Variants in FNDC3A observed in about 807,000 individuals in gnomAD.
FNDC3A encodes the protein fibronectin type-III domain-containing protein 3A.
A neutral mutation model predicts 148.9 loss-of-function variants in FNDC3A; 32 were observed. That is an observed-to-expected ratio of 0.21 (90% CI 0.16 to 0.29). FNDC3A has a LOEUF of 0.29. FNDC3A is among the 10% of genes least tolerant of loss of function. The pLI is 1.00. For synonymous variants in FNDC3A, 472 were observed against 473.6 expected, an observed-to-expected ratio of 1.00 and a Z score of 0.04; for missense variants, 1,191 against 1,452.8, an observed-to-expected ratio of 0.82 and a Z score of 2.93.
intron 8 of FNDC3A, among the ~76,000 whole-genome samples, chr13:49,149,178 T>A (rs1482198540): frequency 1.3e-5 from 2 of 151,720 alleles, no homozygotes; most frequent in Non-Finnish European, 1.5e-5. Flanking sequence ...TTTTTTTTTT[T>A]AATCTGAATA....
rs779511866 is a variant in FNDC3A, at chr13:49,198,226, G to A, written c.2735G>A (p.Ser912Asn). 2 of 1,614,048 alleles carry A rather than the reference G, an allele frequency of 1.2e-6. No individual in the cohort carries two copies. The highest frequency in any genetic ancestry group is 2.7e-5 in the African/African-American group (2 of 75,020). Residue 912 changes from serine (S) to asparagine (N), a missense_variant, in exon 22 of 26, where the codon AGC (serine) becomes AAC (asparagine). Physicochemically the swap from Ser to Asn is conservative, Grantham distance 46 (BLOSUM62 1). Coordinates refer to ENST00000492622, the MANE Select transcript of FNDC3A (RefSeq NM_001079673.2). ...TCCCTAACAGTGGGAAAGGTTACAA[G>A]CTATATTATCAACAATTTGCAACCA... is the stretch of plus-strand genomic sequence containing the variant. ...KQSLTVGKVT[S>N]YIINNLQPDT...
intron 2 of FNDC3A, among the ~76,000 whole-genome samples, chr13:49,027,685 G>GA (rs1873818933): frequency 4.0e-5 from 6 of 151,304 alleles, no homozygotes. Context: ...CATCTACTAA[G>GA]AAAAAATAAC....
intron 2 of FNDC3A, among the ~76,000 whole-genome samples, chr13:49,064,515 AAG>A (rs2137751371): frequency 6.6e-6 from 1 of 151,918 alleles, no homozygotes; most frequent in South Asian, 2.1e-4. Context: ...ATCACAAGGA[AAG>A]AGATCACTGA....
chr13:49,022,341 G>A (rs1873389810), intron 2 of FNDC3A, among the ~76,000 whole-genome samples: 1 of 152,102 alleles, frequency 6.6e-6, no homozygotes, highest in Non-Finnish European at 1.5e-5. Flanking sequence ...GTTTGTTTCT[G>A]AGATTAGCTT....
chr13:49,045,183 TCA>T (rs1875293156), intron 2 of FNDC3A, among the ~76,000 whole-genome samples: 1 of 150,794 alleles, frequency 6.6e-6, no homozygotes, highest in Non-Finnish European at 1.5e-5. Flanking sequence ...TAATGGAATC[TCA>T]CTCTGTCACT....
At chr13:49,203,431 CA>C (rs1886510499) in intron 25 of FNDC3A, 147 bp downstream of exon 25, 4 of 579,482 alleles carry the variant, frequency 6.9e-6, no homozygotes, top group African/African-American at 3.8e-5. Flanking sequence ...CTCAAGATTC[CA>C]AATCTTTTCA....
In FNDC3A at chr13:49,047,409, C is replaced by G. The variant is rs150803263; in HGVS notation, c.100-27880C>G. On this transcript the variant is annotated intron_variant, in intron 2 of 25. Transcript: ENST00000492622. ...GGGATCTCCATGCTGTTTTCCATGCCATAGTAGGTATACCAGTTTACATTC... is the reference window on the plus strand; with the variant it reads ...GGGATCTCCATGCTGTTTTCCATGCGATAGTAGGTATACCAGTTTACATTC... 4.3e-3 allele frequency among the ~76,000 whole-genome samples: 659 copies of G among 152,146 alleles called. 2 individuals carry two copies. The highest frequency in any genetic ancestry group is 6.9e-3 in the Non-Finnish European group (466 of 68,004).
intron 1 of FNDC3A, among the ~76,000 whole-genome samples, chr13:48,981,852 A>G (rs775602170): frequency 4.6e-5 from 7 of 152,118 alleles, no homozygotes; most frequent in South Asian, 2.1e-4. Context: ...AAAGTGTTGT[A>G]TCTGTTTTCT....
At chr13:49,187,869 C>T (rs964949576) in intron 16 of FNDC3A, among the ~76,000 whole-genome samples, 3 of 151,666 alleles carry the variant, frequency 2.0e-5, no homozygotes, top group Non-Finnish European at 2.9e-5. Flanking sequence ...ACAACTGTAT[C>T]GTTGCATTTA....
chr13:49,083,013 T>G (rs1878580505), intron 3 of FNDC3A, among the ~76,000 whole-genome samples: 2 of 151,944 alleles, frequency 1.3e-5, no homozygotes, highest in Admixed American at 1.3e-4. Flanking sequence ...GGGGATGTAT[T>G]AGAGTGAAGA....
intron 4 of FNDC3A, among the ~76,000 whole-genome samples, chr13:49,125,135 G>A (rs999644613): frequency 1.3e-5 from 2 of 152,174 alleles, no homozygotes; most frequent in African/African-American, 4.8e-5. Flanking sequence ...AGCTGTGCTT[G>A]CTGTTTCATT....
In FNDC3A at chr13:49,136,447, C is replaced by A; in HGVS notation, c.606C>A (p.Ser202Arg). 2 of 1,614,042 alleles carry A rather than the reference C, an allele frequency of 1.2e-6. No homozygotes were observed. The highest frequency in any genetic ancestry group is 1.7e-6 in the Non-Finnish European group (2 of 1,179,986). Residue 202 changes from serine to arginine, a missense_variant, in exon 6 of 26, where the codon AGC (serine) becomes AGA (arginine). This residue lies in a region of FNDC3A where 426 missense variants were observed against 473.2 expected (regional missense o/e 0.90). Transcript: ENST00000492622. Reference protein sequence around the residue: ...DRQGTQKDKMSSPPSSPQKCP... With the variant: ...DRQGTQKDKMRSPPSSPQKCP... ...AAGGAACACAGAAAGATAAAATGAG[C>A]AGTCCACCATCATCACCCCAGAAAT...
At chr13:49,205,011 C>T (rs1322363873) in intron 25 of FNDC3A, among the ~76,000 whole-genome samples, 1 of 152,158 alleles carries the variant, frequency 6.6e-6, no homozygotes, top group East Asian at 1.9e-4. Context: ...CATAAAACTA[C>T]ATCAGGGCCT....
At chr13:49,079,769 A>G (rs1878352211) in intron 3 of FNDC3A, among the ~76,000 whole-genome samples, 1 of 152,094 alleles carries the variant, frequency 6.6e-6, no homozygotes, top group Admixed American at 6.6e-5. Context: ...AAAGGTGGGG[A>G]CTGGGGAAGA....
chr13:49,183,855 A>G (rs1254856879), intron 14 of FNDC3A, among the ~76,000 whole-genome samples: 3 of 152,210 alleles, frequency 2.0e-5, no homozygotes, highest in Admixed American at 1.3e-4. Context: ...GTATGGTGTT[A>G]TATAGCATCA....
chr13:49,040,558 A>G (rs556655946), intron 2 of FNDC3A, among the ~76,000 whole-genome samples: 1 of 152,348 alleles, frequency 6.6e-6, no homozygotes, highest in East Asian at 1.9e-4. Flanking sequence ...AAACTGTCAG[A>G]TCTGAACTCT....
chr13:49,107,647 G>A (rs1403402644), intron 3 of FNDC3A, among the ~76,000 whole-genome samples: 1 of 152,166 alleles, frequency 6.6e-6, no homozygotes, highest in Non-Finnish European at 1.5e-5. Context: ...ATAACATCAA[G>A]AGTTCAGTTT....
chr13:49,177,584 A>G (rs1028286851), intron 13 of FNDC3A, among the ~76,000 whole-genome samples: 1 of 152,212 alleles, frequency 6.6e-6, no homozygotes, highest in East Asian at 1.9e-4. Flanking sequence ...TTGTACACAA[A>G]TGTTCATAGC....
intron 3 of FNDC3A, among the ~76,000 whole-genome samples, chr13:49,110,785 C>A (rs1349938073): frequency 1.3e-5 from 2 of 152,008 alleles, no homozygotes; most frequent in Admixed American, 1.3e-4. Context: ...TTAAAAAAAA[C>A]CTCTTAAATA....
Sources: gnomAD v4.1 joint callset for allele counts (sites outside exome capture counted in the v4.1 genomes callset) on GRCh38, gnomAD v4.1.1 for gene constraint, gnomAD v4.1.1 regional missense constraint, MANE v1.5 for transcripts, NCBI Gene and HGNC (gene_info 2026-07-23, HGNC 2026-07-21) for gene names.